Variants in LRRC37A2 observed in about 807,000 individuals in gnomAD.
LRRC37A2 encodes the protein leucine rich repeat containing 37 member A2.
Under a neutral mutation model 68.8 loss-of-function variants are expected in LRRC37A2, and 9 were observed. That is an observed-to-expected ratio of 0.13 (90% CI 0.08 to 0.23). The LOEUF is 0.23. Among genes scored for constraint, LRRC37A2 ranks in the 10% least tolerant of loss-of-function variants. The probability of loss-of-function intolerance (pLI) is 1.00; values close to 1 mark genes in which losing one functional copy is unlikely to be tolerated. For synonymous variants in LRRC37A2, 63 were observed against 367.6 expected (o/e 0.17, Z 9.48); for missense variants, 168 against 950.4 (o/e 0.18, Z 10.82).
At chr17:46,809,180 TC>T in the LRRC37A2 span, among the ~76,000 whole-genome samples, 2 of 152,036 alleles carry the variant, frequency 1.3e-5, no homozygotes, top group African/African-American at 4.8e-5. Flanking sequence ...ATAGGGAGCC[TC>T]AGTACCAGAT....
the LRRC37A2 span, among the ~76,000 whole-genome samples, chr17:46,803,215 G>A: frequency 6.6e-6 from 1 of 152,212 alleles, no homozygotes; most frequent in African/African-American, 2.4e-5. Flanking sequence ...GACAGTTTAC[G>A]TCTTTTCCTG....
At chr17:46,842,231 G>A in the LRRC37A2 span, among the ~76,000 whole-genome samples, 1 of 152,232 alleles carries the variant, frequency 6.6e-6, no homozygotes, top group African/African-American at 2.4e-5. Flanking sequence ...ACTGGGTTGT[G>A]TGAGGAAGAG....
the LRRC37A2 span, among the ~76,000 whole-genome samples, chr17:46,898,628 C>T: frequency 4.6e-5 from 7 of 152,148 alleles, no homozygotes; most frequent in African/African-American, 1.4e-4. Flanking sequence ...GGATGAGGAA[C>T]GACACCTGAA....
chr17:46,740,724 C>T, the LRRC37A2 span, among the ~76,000 whole-genome samples: 3 of 150,726 alleles, frequency 2.0e-5, no homozygotes, highest in South Asian at 2.1e-4. Context: ...TACAATGGCA[C>T]GATTTCGGCT....
the LRRC37A2 span, among the ~76,000 whole-genome samples, chr17:46,966,144 G>T: frequency 6.6e-6 from 1 of 152,064 alleles, no homozygotes; most frequent in African/African-American, 2.4e-5. Context: ...GTACTATTTC[G>T]TGATTGAGGG....
At chr17:46,765,582 CAA>C in the LRRC37A2 span, among the ~76,000 whole-genome samples, 3 of 152,252 alleles carry the variant, frequency 2.0e-5, no homozygotes, top group South Asian at 4.2e-4. Flanking sequence ...TCAGGGAAGA[CAA>C]GAGAACAGCT....
the LRRC37A2 span, among the ~76,000 whole-genome samples, chr17:46,810,222 G>A: frequency 6.6e-6 from 1 of 151,384 alleles, no homozygotes; most frequent in Non-Finnish European, 1.5e-5. Context: ...TGGCCAAGCA[G>A]GCCTCAAACT....
At chr17:46,939,400 T>C in the LRRC37A2 span, 1 of 995,388 alleles carries the variant, frequency 1.0e-6, no homozygotes, top group Non-Finnish European at 1.2e-6. Flanking sequence ...GCTGGGTGTT[T>C]CTCTTTTCTA....
the LRRC37A2 span, among the ~76,000 whole-genome samples, chr17:46,598,852 GTGTT>G: frequency 6.8e-6 from 1 of 147,206 alleles, no homozygotes; most frequent in African/African-American, 2.5e-5. Flanking sequence ...ATACTATAAA[GTGTT>G]TGGTAGTCCA....
At chr17:46,978,652 A>G in the LRRC37A2 span, 1 of 1,604,174 alleles carries the variant, frequency 6.2e-7, no homozygotes, top group South Asian at 1.1e-5. Context: ...CGCTCAGTAC[A>G]GCCCCAGGAT....
At chr17:46,759,152 C>A in the LRRC37A2 span, among the ~76,000 whole-genome samples, 2 of 152,260 alleles carry the variant, frequency 1.3e-5, no homozygotes, top group Non-Finnish European at 2.9e-5. Flanking sequence ...TGCAGTGAGC[C>A]AAGATCACAC....
chr17:46,899,477 C>T, the LRRC37A2 span, among the ~76,000 whole-genome samples: 1 of 152,062 alleles, frequency 6.6e-6, no homozygotes, highest in Non-Finnish European at 1.5e-5. Flanking sequence ...CGTAAATGAG[C>T]CTCGAGAACA....
At chr17:46,751,333 A>G in the LRRC37A2 span, among the ~76,000 whole-genome samples, 1 of 152,180 alleles carries the variant, frequency 6.6e-6, no homozygotes, top group Non-Finnish European at 1.5e-5. Flanking sequence ...GATTGCACCT[A>G]ATGGGTTTAG....
At chr17:46,485,957 G>C in the LRRC37A2 span, among the ~76,000 whole-genome samples, 2 of 73,570 alleles carry the variant, frequency 2.7e-5, no homozygotes, top group Admixed American at 2.6e-4. Context: ...CAGCCTGGGG[G>C]ACAGAGTGAG....
chr17:46,621,312 G>A, the LRRC37A2 span, among the ~76,000 whole-genome samples: 2 of 140,522 alleles, frequency 1.4e-5, 1 homozygote, highest in Admixed American at 1.5e-4. Context: ...TTTGAGATAG[G>A]GTCTCGCTCT....
chr17:46,866,497 G>T, the LRRC37A2 span, among the ~76,000 whole-genome samples: 1 of 151,874 alleles, frequency 6.6e-6, no homozygotes, highest in Non-Finnish European at 1.5e-5. Flanking sequence ...TGTGTAGGGG[G>T]ATCAGTGAGG....
chr17:46,936,454 G>A, the LRRC37A2 span: 1 of 985,208 alleles, frequency 1.0e-6, no homozygotes, highest in African/African-American at 1.7e-5. Context: ...TGAGACTTGA[G>A]GTTTCTAACT....
downstream of LRRC37A2, among the ~76,000 whole-genome samples, chr17:46,558,503 C>T (rs1012101186): frequency 3.2e-5 from 4 of 123,370 alleles, no homozygotes; most frequent in African/African-American, 1.3e-4. Context: ...TCTCCTGCCT[C>T]AGCCTCCCGA....
the LRRC37A2 span, among the ~76,000 whole-genome samples, chr17:46,738,027 G>A: frequency 1.3e-5 from 2 of 151,738 alleles, no homozygotes; most frequent in Non-Finnish European, 2.9e-5. Context: ...TTTACCTCCT[G>A]GGCTCAATTG....
Sources: allele counts gnomAD v4.1 joint callset (sites outside exome capture counted in the v4.1 genomes callset), GRCh38; gene constraint gnomAD v4.1.1; transcripts MANE v1.5; gene names NCBI Gene and HGNC (gene_info 2026-07-23, HGNC 2026-07-21).